SGMS1: variants seen among roughly 807,000 people sequenced by gnomAD.
SGMS1 encodes the protein sphingomyelin synthase 1, also known as phosphatidylcholine:ceramide cholinephosphotransferase 1.
SGMS1 carries 13 observed loss-of-function variants against 46.2 expected under a neutral mutation model. The observed-to-expected ratio is 0.28, with a 90% confidence interval of 0.18 to 0.45. SGMS1 has a LOEUF of 0.45. SGMS1 is among the 20% of genes least tolerant of loss of function. SGMS1 has a pLI of 1.00. For synonymous variants in SGMS1, 203 were observed against 187.8 expected, an observed-to-expected ratio of 1.08 and a Z score of -0.66; for missense variants, 324 against 519.9, an observed-to-expected ratio of 0.62 and a Z score of 3.66.
intron 6 of SGMS1, among the ~76,000 whole-genome samples, chr10:50,371,879 G>T (rs1848440772): frequency 6.6e-6 from 1 of 152,136 alleles, no homozygotes; most frequent in Non-Finnish European, 1.5e-5. Context: ...TTATATAAGG[G>T]AACCATTCCT....
At chr10:50,485,324 G>A (rs971282779) in intron 3 of SGMS1, among the ~76,000 whole-genome samples, 94 of 152,218 alleles carry the variant, frequency 6.2e-4, no homozygotes, top group African/African-American at 2.2e-3. Context: ...AAATACCTAG[G>A]AATACAGCTA....
intron 6 of SGMS1, among the ~76,000 whole-genome samples, chr10:50,420,919 G>A (rs2133595676): frequency 6.6e-6 from 1 of 152,318 alleles, no homozygotes; most frequent in African/African-American, 2.4e-5. Flanking sequence ...AACATTCAGA[G>A]TAGGTGTTCT....
chr10:50,501,712 C>T (rs879364273), intron 3 of SGMS1, among the ~76,000 whole-genome samples: 3 of 152,116 alleles, frequency 2.0e-5, no homozygotes, highest in Admixed American at 6.5e-5. Context: ...CCTGATAGGG[C>T]GTTCTGTCCT....
At chr10:50,587,871 G>A (rs931845371) in intron 2 of SGMS1, among the ~76,000 whole-genome samples, 16 of 151,964 alleles carry the variant, frequency 1.1e-4, no homozygotes, top group African/African-American at 3.6e-4. Context: ...TCTGGGTGCT[G>A]GTTACATGGA....
At chr10:50,496,196 T>C (rs1478900654) in intron 3 of SGMS1, among the ~76,000 whole-genome samples, 1 of 152,160 alleles carries the variant, frequency 6.6e-6, no homozygotes, top group Non-Finnish European at 1.5e-5. Flanking sequence ...CTACAAAACA[T>C]TTGAAAAGTG....
chr10:50,477,971 A>C (rs1053979583), intron 3 of SGMS1, among the ~76,000 whole-genome samples: 4 of 152,218 alleles, frequency 2.6e-5, no homozygotes, highest in Non-Finnish European at 5.9e-5. Context: ...GCTAATACAT[A>C]GATCATGCAA....
upstream of SGMS1, chr10:50,624,808 T>C: frequency 1.0e-6 from 1 of 986,514 alleles, no homozygotes; most frequent in Non-Finnish European, 1.2e-6. Context: ...CCGCCGTCCC[T>C]GGCCGGCCCG....
At chr10:50,443,098 T>G (rs763515277) in intron 5 of SGMS1, among the ~76,000 whole-genome samples, 3 of 152,222 alleles carry the variant, frequency 2.0e-5, no homozygotes, top group African/African-American at 4.8e-5. Context: ...TCCATAAATG[T>G]ATATAGGAAA....
intron 8 of SGMS1, among the ~76,000 whole-genome samples, chr10:50,318,999 A>G (rs1013297801): frequency 6.6e-6 from 1 of 152,162 alleles, no homozygotes; most frequent in African/African-American, 2.4e-5. Context: ...ATAAAATCTT[A>G]AATAAAGGTC....
chr10:50,349,801 G>C (rs1847975395), intron 6 of SGMS1, among the ~76,000 whole-genome samples: 1 of 152,192 alleles, frequency 6.6e-6, no homozygotes. Flanking sequence ...TCAGGCCTCT[G>C]CAGCCATGTG....
chr10:50,586,659 G>C (rs1488994251), intron 2 of SGMS1, among the ~76,000 whole-genome samples: 1 of 152,220 alleles, frequency 6.6e-6, no homozygotes, highest in Non-Finnish European at 1.5e-5. Flanking sequence ...ACGTGAGAAG[G>C]GACATGGTGA....
intron 7 of SGMS1, among the ~76,000 whole-genome samples, chr10:50,330,706 C>G (rs1327502388): frequency 3.3e-5 from 5 of 152,108 alleles, no homozygotes; most frequent in Admixed American, 1.3e-4. Flanking sequence ...TGCAGTGGAA[C>G]TAAGCAACAA....
chr10:50,437,739 A>G (rs904109039), intron 5 of SGMS1, among the ~76,000 whole-genome samples: 2 of 152,240 alleles, frequency 1.3e-5, no homozygotes, highest in Non-Finnish European at 2.9e-5. Flanking sequence ...AAAGGATGGT[A>G]TAGTGAAAGT....
At position 50,502,388 on chromosome 10, in the gene SGMS1, C is replaced by T. The variant is rs147570818; in HGVS notation, c.-498+17443G>A. 1.7e-4 allele frequency among the ~76,000 whole-genome samples: 26 copies of T among 151,688 alleles called. No homozygotes were observed. The East Asian group carries it at 4.3e-3, about 25-fold the overall frequency. On this transcript the variant is annotated intron_variant, in intron 3 of 10. Transcript: ENST00000361781. ...CCAGGCTCCTCCCTAACTGAGCTTC[C>T]GAGGGAAGTAAGGGAGAGGAGAGGT...
intron 5 of SGMS1, among the ~76,000 whole-genome samples, chr10:50,447,554 T>C (rs1211496): frequency 0.56 from 85,036 of 151,930 alleles, 24,131 homozygotes; most frequent in Non-Finnish European, 0.59. Flanking sequence ...ATTATTTTAT[T>C]AACTATCTCA....
intron 3 of SGMS1, among the ~76,000 whole-genome samples, chr10:50,485,419 A>C (rs1670124392): frequency 6.6e-6 from 1 of 152,246 alleles, no homozygotes; most frequent in Non-Finnish European, 1.5e-5. Context: ...ATGGAAAATC[A>C]TTCCATGCTC....
At chr10:50,545,694 T>C (rs1838095311) in intron 2 of SGMS1, among the ~76,000 whole-genome samples, 1 of 152,084 alleles carries the variant, frequency 6.6e-6, no homozygotes, top group Non-Finnish European at 1.5e-5. Context: ...CACCTTAGCC[T>C]CCAAAATGCT....
chr10:50,399,447 T>C (rs549318281), intron 6 of SGMS1, among the ~76,000 whole-genome samples: 1 of 152,312 alleles, frequency 6.6e-6, no homozygotes, highest in Non-Finnish European at 1.5e-5. Flanking sequence ...GAAATTATAG[T>C]ACACCCATCC....
chr10:50,394,935 C>T (rs921475981), intron 6 of SGMS1, among the ~76,000 whole-genome samples: 4 of 152,080 alleles, frequency 2.6e-5, no homozygotes, highest in African/African-American at 9.7e-5. Context: ...ATCACTATAC[C>T]ATCACGAACT....
Sources: allele counts gnomAD v4.1 joint callset (sites outside exome capture counted in the v4.1 genomes callset), GRCh38; gene constraint gnomAD v4.1.1; transcripts MANE v1.5; gene names NCBI Gene and HGNC (gene_info 2026-07-23, HGNC 2026-07-21).